PKP4: variants seen among roughly 807,000 people sequenced by gnomAD.
PKP4 encodes plakophilin-4.
In PKP4, 90 loss-of-function variants were observed where a neutral mutation model predicts 145.1. That is an observed-to-expected ratio of 0.62 (90% confidence interval 0.52 to 0.74). PKP4 has a LOEUF of 0.74. Among genes scored for constraint, PKP4 ranks in the 30% least tolerant of loss-of-function variants. PKP4 has a pLI of 0.00. For missense variants in PKP4, 1,340 were observed against 1,482.7 expected (o/e 0.90, Z 1.58); for synonymous variants, 563 against 577.2 (o/e 0.98, Z 0.35).
intron 3 of PKP4, among the ~76,000 whole-genome samples, chr2:158,586,799 A>C (rs923297134): frequency 6.6e-6 from 1 of 152,218 alleles, no homozygotes; most frequent in African/African-American, 2.4e-5. Context: ...TCTCATTGCC[A>C]TTCCAGTCAC....
chr2:158,592,645 C>T (rs2049374256), intron 3 of PKP4, among the ~76,000 whole-genome samples: 1 of 151,986 alleles, frequency 6.6e-6, no homozygotes, highest in Non-Finnish European at 1.5e-5. Context: ...AATTAGTAGA[C>T]AGAAAGTGAA....
chr2:158,563,414 T>C (rs961726438), intron 2 of PKP4, among the ~76,000 whole-genome samples: 3 of 152,080 alleles, frequency 2.0e-5, no homozygotes, highest in Non-Finnish European at 4.4e-5. Flanking sequence ...CAAGAAAAAA[T>C]TTATTTCTGC....
At chr2:158,657,715 A>C (rs1214760515) in intron 11 of PKP4, among the ~76,000 whole-genome samples, 1 of 152,244 alleles carries the variant, frequency 6.6e-6, no homozygotes, top group Non-Finnish European at 1.5e-5. Flanking sequence ...AATTCTAAAA[A>C]TGGTTTGTCA....
At chr2:158,614,880 A>G (rs1458279248) in intron 4 of PKP4, among the ~76,000 whole-genome samples, 1 of 152,110 alleles carries the variant, frequency 6.6e-6, no homozygotes, top group Non-Finnish European at 1.5e-5. Context: ...CACCTCCTCA[A>G]AACACAGAGC....
In PKP4 at chr2:158,625,052, G is replaced by T. The variant is rs1409513793; in HGVS notation, c.778G>T (p.Ala260Ser). The T allele has an allele frequency of 3.1e-6, 5 of 1,614,170 alleles. No individual in the cohort carries two copies. The Admixed American group carries it at 8.3e-5, about 27-fold the overall frequency. ...VTDPRPLNPS[A>S]YSSTTLPAAR... ...CGACCCCCGACCTCTGAACCCCAGT[G>T]CATATTCCTCCACCACATTACCTGC... The change falls in exon 7 of 22, where the codon GCA (alanine) becomes TCA (serine). Residue 260 changes from alanine to serine, a missense_variant. Ala to Ser is a moderately conservative substitution (Grantham distance 99). Transcript: ENST00000389759.
chr2:158,531,258 A>C (rs2043517780), intron 1 of PKP4, among the ~76,000 whole-genome samples: 1 of 152,002 alleles, frequency 6.6e-6, no homozygotes. Flanking sequence ...CCTTTTCTCA[A>C]ATTATCTTTG....
At chr2:158,654,119 C>T (rs1023047703) in intron 11 of PKP4, among the ~76,000 whole-genome samples, 1 of 151,982 alleles carries the variant, frequency 6.6e-6, no homozygotes, top group Non-Finnish European at 1.5e-5. Flanking sequence ...TTTATATAAC[C>T]TTAGTTTTGG....
At chr2:158,533,431 T>C (rs762912614) in intron 2 of PKP4, 115 bp downstream of exon 2, 2 of 1,246,078 alleles carry the variant, frequency 1.6e-6, no homozygotes, top group Non-Finnish European at 2.3e-6. Context: ...CGTTTTCTAA[T>C]TATAAGGTGT....
chr2:158,526,138 G>T (rs1480900743), intron 1 of PKP4, among the ~76,000 whole-genome samples: 1 of 146,628 alleles, frequency 6.8e-6, no homozygotes, highest in Admixed American at 6.8e-5. Flanking sequence ...ATTTTATGAG[G>T]CCAGCATCAT....
intron 1 of PKP4, among the ~76,000 whole-genome samples, chr2:158,460,075 A>G (rs1476547686): frequency 6.6e-6 from 1 of 152,206 alleles, no homozygotes; most frequent in Admixed American, 6.5e-5. Flanking sequence ...TGGGAAAGCT[A>G]AATATCCAAT....
intron 1 of PKP4, among the ~76,000 whole-genome samples, chr2:158,531,518 A>G (rs1157034674): frequency 1.3e-5 from 2 of 152,126 alleles, no homozygotes; most frequent in Non-Finnish European, 2.9e-5. Flanking sequence ...TAGACCTTAG[A>G]TCTTCTCTTT....
intron 3 of PKP4, chr2:158,588,885 T>C (rs2049023311): frequency 6.6e-6 from 1 of 152,208 alleles, no homozygotes; most frequent in South Asian, 2.1e-4. Context: ...TCCTGTTTTC[T>C]AGAGCTACAA....
At chr2:158,676,086 C>A (rs1275589258) in intron 19 of PKP4, among the ~76,000 whole-genome samples, 3 of 152,148 alleles carry the variant, frequency 2.0e-5, no homozygotes, top group African/African-American at 7.2e-5. Context: ...AGTCCTCAGT[C>A]CTCTGGGCCT....
At chr2:158,471,975 G>C (rs887152016) in intron 1 of PKP4, among the ~76,000 whole-genome samples, 3 of 152,092 alleles carry the variant, frequency 2.0e-5, no homozygotes, top group Non-Finnish European at 4.4e-5. Flanking sequence ...CTCTTTTTCT[G>C]TACCAAAAAG....
intron 2 of PKP4, among the ~76,000 whole-genome samples, chr2:158,551,455 T>C (rs934411367): frequency 6.6e-6 from 1 of 152,202 alleles, no homozygotes; most frequent in East Asian, 1.9e-4. Flanking sequence ...ACCATCTCAG[T>C]TAGCATTCCC....
intron 1 of PKP4, among the ~76,000 whole-genome samples, chr2:158,467,313 C>T (rs1559178575): frequency 6.6e-6 from 1 of 152,124 alleles, no homozygotes; most frequent in Non-Finnish European, 1.5e-5. Flanking sequence ...CACAACATTT[C>T]CATCACCACA....
At chr2:158,530,504 C>CCTTT (rs1212931869) in intron 1 of PKP4, among the ~76,000 whole-genome samples, 1 of 92,150 alleles carries the variant, frequency 1.1e-5, no homozygotes, top group African/African-American at 4.3e-5. Flanking sequence ...CTCTTTCTTT[C>CCTTT]TTTTTTTTTT....
At chr2:158,676,888 G>GTGA (rs769026225) in intron 20 of PKP4, 21 bp downstream of exon 20, 2 of 1,613,980 alleles carry the variant, frequency 1.2e-6, no homozygotes, top group East Asian at 4.5e-5. Flanking sequence ...AGTTGGGTGT[G>GTGA]TGATACAGTC....
At chr2:158,462,099 A>G (rs925469950) in intron 1 of PKP4, among the ~76,000 whole-genome samples, 6 of 152,242 alleles carry the variant, frequency 3.9e-5, no homozygotes, top group South Asian at 2.1e-4. Context: ...GAAACCCACA[A>G]TCAGTTTACA....
Sources: gnomAD v4.1 joint callset for allele counts (sites outside exome capture counted in the v4.1 genomes callset) on GRCh38, gnomAD v4.1.1 for gene constraint, MANE v1.5 for transcripts, NCBI Gene and HGNC (gene_info 2026-07-23, HGNC 2026-07-21) for gene names.